CRTAC1: variants seen among roughly 807,000 people sequenced by gnomAD.
The protein encoded by CRTAC1 is acidic secreted protein in cartilage.
Under a neutral mutation model 67.8 loss-of-function variants are expected in CRTAC1, and 37 were observed. The ratio of observed to expected loss-of-function variants is 0.55; its 90% CI spans 0.42 to 0.72. CRTAC1 has a LOEUF of 0.72. CRTAC1 is among the 30% of genes least tolerant of loss of function. The probability of loss-of-function intolerance (pLI) is 0.00; values close to 1 mark genes in which losing one functional copy is unlikely to be tolerated. For synonymous variants in CRTAC1, 348 were observed against 371.0 expected (o/e 0.94, Z 0.71); for missense variants, 780 against 931.6 (o/e 0.84, Z 2.12).
At chr10:97,984,023 TAG>T (rs2051940160) in intron 2 of CRTAC1, among the ~76,000 whole-genome samples, 1 of 152,238 alleles carries the variant, frequency 6.6e-6, no homozygotes, top group South Asian at 2.1e-4. Flanking sequence ...TCTCTTATTT[TAG>T]ATTTCAGCCC....
At chr10:97,905,074 G>T (rs546350822) in intron 6 of CRTAC1, among the ~76,000 whole-genome samples, 3 of 152,082 alleles carry the variant, frequency 2.0e-5, no homozygotes, top group Non-Finnish European at 4.4e-5. Flanking sequence ...TACCCTGTTT[G>T]GGGGGTGGCA....
At chr10:97,997,430 G>A (rs1842604127) in intron 2 of CRTAC1, among the ~76,000 whole-genome samples, 1 of 138,682 alleles carries the variant, frequency 7.2e-6, no homozygotes, top group Non-Finnish European at 1.5e-5. Flanking sequence ...TCCAGCCTGG[G>A]CACAGAGGGA....
chr10:98,029,311 T>C lies in CRTAC1; in HGVS notation c.24+1138A>G, dbSNP rs751816501. ...TCTCCCCTGACTCAAGAAAACACTATAGAACTGTCCCCTGTCCTGGGACCC... is the reference window on the plus strand; with the variant it reads ...TCTCCCCTGACTCAAGAAAACACTACAGAACTGTCCCCTGTCCTGGGACCC... On this transcript the variant is annotated intron_variant, in intron 1 of 14. Coordinates refer to ENST00000370597, the MANE Select transcript of CRTAC1 (RefSeq NM_018058.7). The surrounding 1 kb of genome is among the most constrained non-coding windows in gnomAD (Gnocchi z 4.7). Among the ~76,000 whole-genome samples, 5 of 152,136 alleles carry C rather than the reference T, an allele frequency of 3.3e-5. No individual in the cohort carries two copies. The highest frequency in any genetic ancestry group is 7.3e-5 in the Non-Finnish European group (5 of 68,030).
At chr10:97,970,376 T>C (rs1273933608) in intron 2 of CRTAC1, among the ~76,000 whole-genome samples, 1 of 152,172 alleles carries the variant, frequency 6.6e-6, no homozygotes, top group Non-Finnish European at 1.5e-5. Flanking sequence ...TGTCACCCCT[T>C]GGCTCAAAAT....
intron 3 of CRTAC1, among the ~76,000 whole-genome samples, chr10:97,928,478 G>A (rs964119204): frequency 6.6e-6 from 1 of 152,172 alleles, no homozygotes; most frequent in Admixed American, 6.5e-5. Context: ...GGCAATTCAC[G>A]TATATTCTCA....
chr10:98,029,488 A>AGCGGCG lies in CRTAC1; in HGVS notation c.24+960_24+961insCGCCGC, dbSNP rs796585183. Among the ~76,000 whole-genome samples the AGCGGCG allele has an allele frequency of 3.2e-3, 391 of 122,782 alleles. 2 individuals are homozygous for AGCGGCG. The highest frequency in any genetic ancestry group is 0.011 in the African/African-American group (329 of 29,922). The allele number at this position is 122,782 out of a possible 152,430, so 80.5% of individuals were successfully genotyped here. A position where few individuals can be genotyped will look rare whatever the true frequency, so the allele number is the denominator to read the frequency against. On this transcript the variant is annotated intron_variant, in intron 1 of 14. Transcript: ENST00000370597. This position sits in a 1 kb window ranked among gnomAD's most constrained non-coding sequence, Gnocchi z 4.7. ...CACACTGGGTGCACCCACCAGCAGC[A>AGCGGCG]GCAGCGGCGGCGGCGGCGGCGGCGG...
At chr10:97,926,333 C>T (rs144878397) in intron 3 of CRTAC1, among the ~76,000 whole-genome samples, 3 of 152,320 alleles carry the variant, frequency 2.0e-5, no homozygotes, top group East Asian at 1.9e-4. Context: ...TCTTGGTTTC[C>T]TCATCTAAAA....
intron 1 of CRTAC1, among the ~76,000 whole-genome samples, chr10:98,023,984 C>A (rs1358845300): frequency 6.6e-6 from 1 of 152,226 alleles, no homozygotes; most frequent in Non-Finnish European, 1.5e-5. Context: ...CTTCCAGCTC[C>A]CAGGCCTGTT....
intron 2 of CRTAC1, among the ~76,000 whole-genome samples, chr10:97,950,589 G>A (rs562967631): frequency 4.6e-5 from 7 of 152,282 alleles, no homozygotes; most frequent in East Asian, 3.9e-4. Context: ...CACAGGTCAC[G>A]GGCCTTGTTG....
At chr10:97,917,381 C>T in intron 5 of CRTAC1, 119 bp downstream of exon 5, 5 of 741,752 alleles carry the variant, frequency 6.7e-6, no homozygotes, top group East Asian at 3.2e-5. Context: ...TCTCCCCTCA[C>T]CAGGGACATA....
chr10:97,885,954 T>C (rs979764556), intron 11 of CRTAC1, among the ~76,000 whole-genome samples: 1 of 152,262 alleles, frequency 6.6e-6, no homozygotes, highest in African/African-American at 2.4e-5. Context: ...TATTCGCATT[T>C]GGTCATTACT....
At chr10:97,923,242 C>T (rs771049020) in intron 4 of CRTAC1, 22 bp downstream of exon 4, 4 of 1,613,676 alleles carry the variant, frequency 2.5e-6, no homozygotes, top group East Asian at 4.5e-5. Context: ...CTCCCCAGGA[C>T]CCCATGTGCC....
At chr10:97,929,788 A>G (rs1048557125) in intron 3 of CRTAC1, among the ~76,000 whole-genome samples, 2 of 152,244 alleles carry the variant, frequency 1.3e-5, no homozygotes, top group African/African-American at 4.8e-5. Flanking sequence ...CATCACCACC[A>G]TCATCCAGGA....
intron 2 of CRTAC1, 143 bp downstream of exon 2, chr10:98,010,995 G>A: frequency 1.4e-6 from 1 of 740,240 alleles, no homozygotes; most frequent in African/African-American, 1.7e-5. Context: ...GCCCAGCCAA[G>A]CTGCAGCTGA....
At chr10:97,882,065 A>G (rs1044030815) in intron 13 of CRTAC1, among the ~76,000 whole-genome samples, 1 of 151,856 alleles carries the variant, frequency 6.6e-6, no homozygotes, top group Non-Finnish European at 1.5e-5. Flanking sequence ...TGTCTTGTTT[A>G]CTCCTGTATC....
intron 2 of CRTAC1, among the ~76,000 whole-genome samples, chr10:97,951,906 C>T (rs2051362005): frequency 6.6e-6 from 1 of 152,146 alleles, no homozygotes; most frequent in Non-Finnish European, 1.5e-5. Flanking sequence ...TGGGCCCCAT[C>T]CCAGATCTCT....
chr10:97,896,560 G>T (rs2050461505), intron 9 of CRTAC1, among the ~76,000 whole-genome samples: 1 of 152,128 alleles, frequency 6.6e-6, no homozygotes, highest in Non-Finnish European at 1.5e-5. Flanking sequence ...CAGATGGCAA[G>T]ATCCTCTGCC....
Position 97,884,348 on chromosome 10 carries a change from T to C in CRTAC1, c.1490A>G (p.Lys497Arg), listed in dbSNP as rs768739089. The C allele has an allele frequency of 4.1e-5, 63 of 1,551,132 alleles. 2 individuals are homozygous for C. In the South Asian group the frequency reaches 7.5e-4, roughly 18 times the overall value. The change falls in exon 12 of 15, where the codon AAG becomes AGG. Residue 497 changes from lysine (K) to arginine (R), a missense_variant. Lys to Arg is a conservative substitution (Grantham distance 26, BLOSUM62 2). Transcript: ENST00000370597. Reference protein sequence around the residue: ...MEPVAHFGLGKDEASSVEVTW... With the variant: ...MEPVAHFGLGRDEASSVEVTW... ...CACCTCCACACTGCTGGCTTCATCC[T>C]TCCCTGAGGGGCAGAAGGAGAGAGC...
At chr10:97,967,006 C>G (rs1202724105) in intron 2 of CRTAC1, among the ~76,000 whole-genome samples, 5 of 130,412 alleles carry the variant, frequency 3.8e-5, no homozygotes, top group African/African-American at 1.1e-4. Flanking sequence ...CCCCCCCCCC[C>G]GACATCCTAC....
Sources: gnomAD v4.1 joint callset for allele counts (sites outside exome capture counted in the v4.1 genomes callset) on GRCh38, gnomAD v4.1.1 for gene constraint, Gnocchi (gnomAD v3.1) non-coding constraint, MANE v1.5 for transcripts, NCBI Gene and HGNC (gene_info 2026-07-23, HGNC 2026-07-21) for gene names.